Variants in NID1 observed in about 807,000 individuals in gnomAD.
The protein encoded by NID1 is nidogen-1.
NID1 carries 76 observed loss-of-function variants against 130.6 expected under a neutral mutation model. That is an observed-to-expected ratio of 0.58 (90% CI 0.48 to 0.70). The LOEUF is 0.70. Ranked by LOEUF, NID1 falls within the 30% of genes least tolerant of loss-of-function variation. NID1 has a pLI of 0.00. For synonymous variants in NID1, 665 were observed against 675.1 expected, an observed-to-expected ratio of 0.98 and a Z score of 0.23; for missense variants, 1,517 against 1,664.8, an observed-to-expected ratio of 0.91 and a Z score of 1.54.
chr1:236,034,973 CT>C (rs11371749), intron 5 of NID1, among the ~76,000 whole-genome samples: 5 of 131,684 alleles, frequency 3.8e-5, no homozygotes, highest in African/African-American at 5.9e-5. Flanking sequence ...GCAGAGTTTT[CT>C]TTTTTTTTTC....
rs1359912390 is a variant in NID1, at chr1:235,981,675, G to A, written c.3163C>T (p.Arg1055Cys). Residue 1055 changes from arginine to cysteine, a missense_variant, in exon 16 of 20, where the codon CGC (arginine) becomes TGC (cysteine). This residue lies in a region of NID1 where 1,329 missense variants were observed against 1,429.2 expected (regional missense o/e 0.93). Coordinates refer to ENST00000264187, the MANE Select transcript of NID1 (RefSeq NM_002508.3). ...IEVAKLDGTQ[R>C]RVLFETDLVN... Reference sequence around the variant, plus strand: ...AAGTCAGTCTCAAAGAGCACCCGGCGCTGCGTGCCGTCCAGCTTCGCCACT... The same window carrying A: ...AAGTCAGTCTCAAAGAGCACCCGGCACTGCGTGCCGTCCAGCTTCGCCACT... 19 of 1,614,208 alleles carry A rather than the reference G, an allele frequency of 1.2e-5. No individual in the cohort carries two copies. Among genetic ancestry groups the A allele is most frequent in the East Asian group, 4.5e-5 (2 of 44,888 alleles).
chr1:236,045,885 A>G (rs1038624379), intron 2 of NID1, among the ~76,000 whole-genome samples: 9 of 152,216 alleles, frequency 5.9e-5, no homozygotes, highest in African/African-American at 2.2e-4. Flanking sequence ...CTATGTCAAC[A>G]TGACATTTTC....
rs530466658 is a variant in NID1, at chr1:236,054,817, T to C, written c.226-5828A>G. On this transcript the variant is annotated intron_variant, in intron 1 of 19. Coordinates refer to ENST00000264187, the MANE Select transcript of NID1 (RefSeq NM_002508.3). ...CCACCACATCTGGCTAATTTGTATA[T>C]TTTTAGTGGACACAGGGTTTCACCA... Among the ~76,000 whole-genome samples, 142 of 151,782 alleles carry C rather than the reference T, an allele frequency of 9.4e-4. 1 individual carries two copies. The highest frequency in any genetic ancestry group is 3.4e-3 in the African/African-American group (139 of 41,414).
At chr1:236,038,392 A>C (rs1558443083) in intron 4 of NID1, 139 bp from the exon 5 acceptor site, 2 of 816,200 alleles carry the variant, frequency 2.5e-6, no homozygotes, top group Admixed American at 3.4e-5. Context: ...TCACTACAGA[A>C]GATTACAATC....
chr1:235,979,779 G>A lies in NID1; in HGVS notation c.3509+43C>T, dbSNP rs762535779. On this transcript the variant is annotated intron_variant, in intron 18 of 19. Transcript: ENST00000264187. The surrounding 1 kb of genome is among the most constrained non-coding windows in gnomAD (Gnocchi z 4.6). Reference sequence around the variant, plus strand: ...CCTGGCCTCCCAGAGACAGTGGGTGGAGGGGCAGGCCCACGCAGCCCCCAT... The same window carrying A: ...CCTGGCCTCCCAGAGACAGTGGGTGAAGGGGCAGGCCCACGCAGCCCCCAT... 14 of 1,605,582 alleles carry A rather than the reference G, an allele frequency of 8.7e-6. No individual in the cohort carries two copies. In the South Asian group the frequency reaches 1.5e-4, roughly 18 times the overall value.
Position 236,042,022 on chromosome 1 carries a change from C to G in NID1, c.1023G>C (p.Arg341Ser), listed in dbSNP as rs1193522153. The change falls in exon 4 of 20, where the codon AGG (arginine) becomes AGC (serine). Residue 341 changes from arginine (R) to serine (S), a missense_variant. Physicochemically the swap from Arg to Ser is moderately radical, Grantham distance 110. Coordinates refer to ENST00000264187, the MANE Select transcript of NID1 (RefSeq NM_002508.3). ...TTCTCTCTGTGGGAGGTCCAAGGGG[C>G]CTTTCGGTAGCTGCCCGGCGCGGGG... is the stretch of plus-strand genomic sequence containing the variant. Reference protein sequence around the residue: ...VLSPRRAATERPLGPPTERTR... With the variant: ...VLSPRRAATESPLGPPTERTR... The G allele has an allele frequency of 6.2e-7, 1 of 1,614,160 alleles. No individual in the cohort carries two copies. Among genetic ancestry groups the G allele is most frequent in the East Asian group, 2.2e-5 (1 of 44,874 alleles).
intron 1 of NID1, among the ~76,000 whole-genome samples, chr1:236,051,077 G>A (rs1216825164): frequency 2.0e-5 from 3 of 151,938 alleles, no homozygotes; most frequent in Non-Finnish European, 4.4e-5. Flanking sequence ...CAGAGCAAGA[G>A]TGTCTCGAAA....
At chr1:236,036,135 GC>G (rs1202254653) in intron 5 of NID1, among the ~76,000 whole-genome samples, 1 of 152,150 alleles carries the variant, frequency 6.6e-6, no homozygotes, top group African/African-American at 2.4e-5. Context: ...TTAAGAATAA[GC>G]TTTTATTGTG....
At chr1:236,010,498 A>G (rs1249663841) in intron 12 of NID1, among the ~76,000 whole-genome samples, 1 of 151,978 alleles carries the variant, frequency 6.6e-6, no homozygotes, top group East Asian at 1.9e-4. Context: ...GGGTCTCGCT[A>G]TGTTGCCCAG....
chr1:235,986,716 C>T (rs150230481), intron 14 of NID1, among the ~76,000 whole-genome samples: 54 of 152,280 alleles, frequency 3.5e-4, no homozygotes, highest in African/African-American at 1.1e-3. Context: ...GCCGCCTGGG[C>T]CTCCCAAAGT....
chr1:236,037,041 C>T (rs1287047094), intron 5 of NID1, among the ~76,000 whole-genome samples: 1 of 152,142 alleles, frequency 6.6e-6, no homozygotes, highest in Non-Finnish European at 1.5e-5. Context: ...TTCCAGCCTC[C>T]CAGATGGTGC....
chr1:236,029,623 G>C lies in NID1; in HGVS notation c.1665C>G (p.Arg555=). Residue 555 remains arginine, a synonymous_variant, in exon 7 of 20, where the codon CGC becomes CGG. Transcript: ENST00000264187. Reference sequence around the variant, plus strand: ...AGGAGCCGAACGGAATCTGCGGCACGCGGCCCTCCAGCTCCGTGTCGATGG... The same window carrying C: ...AGGAGCCGAACGGAATCTGCGGCACCCGGCCCTCCAGCTCCGTGTCGATGG... The part of the protein sequence containing the change: ...HLTIDTELEG[R]VPQIPFGSSV... 6.2e-7 allele frequency: 1 copy of C among 1,608,394 alleles called. No homozygotes were observed. The highest frequency in any genetic ancestry group is 8.5e-7 in the Non-Finnish European group (1 of 1,177,726).
intron 5 of NID1, among the ~76,000 whole-genome samples, chr1:236,035,295 C>T (rs1486858996): frequency 2.1e-5 from 2 of 97,262 alleles, no homozygotes; most frequent in Non-Finnish European, 4.0e-5. Context: ...TTTCCAATTT[C>T]ATCCATGTCC....
At chr1:235,978,892 C>T (rs1657349121) in intron 19 of NID1, 103 bp downstream of exon 19, 1 of 754,558 alleles carries the variant, frequency 1.3e-6, no homozygotes, top group Non-Finnish European at 2.4e-6. Context: ...TCTCTTACGG[C>T]ATAATCAAGG....
At chr1:236,052,040 C>CA (rs2102848131) in intron 1 of NID1, among the ~76,000 whole-genome samples, 1 of 152,312 alleles carries the variant, frequency 6.6e-6, no homozygotes, top group South Asian at 2.1e-4. Context: ...ACTGAACATT[C>CA]AGCTCGATCG....
At chr1:236,053,004 A>G (rs1260047305) in intron 1 of NID1, among the ~76,000 whole-genome samples, 1 of 152,228 alleles carries the variant, frequency 6.6e-6, no homozygotes, top group Non-Finnish European at 1.5e-5. Flanking sequence ...TACACCAACA[A>G]AAGTACTCGG....
At chr1:235,990,119 C>G (rs1657686904) in intron 14 of NID1, among the ~76,000 whole-genome samples, 1 of 152,152 alleles carries the variant, frequency 6.6e-6, no homozygotes, top group Non-Finnish European at 1.5e-5. Flanking sequence ...GATGTTTCCT[C>G]CCTGGTCCCA....
intron 15 of NID1, among the ~76,000 whole-genome samples, chr1:235,983,369 C>G (rs1042210226): frequency 6.6e-6 from 1 of 152,182 alleles, no homozygotes; most frequent in Admixed American, 6.5e-5. Flanking sequence ...TATCTAAACA[C>G]AAAGTAGAGA....
intron 12 of NID1, among the ~76,000 whole-genome samples, chr1:236,006,877 A>G (rs865991154): frequency 4.0e-5 from 6 of 151,546 alleles, no homozygotes; most frequent in Non-Finnish European, 7.4e-5. Context: ...TAAAGATAGG[A>G]AAAAAAATGG....
Sources: allele counts gnomAD v4.1 joint callset (sites outside exome capture counted in the v4.1 genomes callset), GRCh38; gene constraint gnomAD v4.1.1; regional missense constraint gnomAD v4.1.1; non-coding constraint Gnocchi (gnomAD v3.1); transcripts MANE v1.5; gene names NCBI Gene and HGNC (gene_info 2026-07-23, HGNC 2026-07-21).